Variants in SPOPL observed in about 807,000 individuals in gnomAD.
The protein encoded by SPOPL is speckle type BTB/POZ protein like, also known as speckle-type POZ protein-like.
A neutral mutation model predicts 53.8 loss-of-function variants in SPOPL; 23 were observed. The ratio of observed to expected loss-of-function variants is 0.43; its 90% CI spans 0.31 to 0.61. The LOEUF (loss-of-function observed/expected upper bound fraction) is 0.61. Among genes scored for constraint, SPOPL ranks in the 20% least tolerant of loss-of-function variants. The pLI, the probability that SPOPL is intolerant of heterozygous loss-of-function variation, is 0.12. For missense variants in SPOPL, 442 were observed against 466.9 expected (o/e 0.95, Z 0.49); for synonymous variants, 164 against 149.7 (o/e 1.10, Z -0.70).
chr2:138,556,479 A>C (rs1685426326), intron 5 of SPOPL, among the ~76,000 whole-genome samples: 1 of 152,216 alleles, frequency 6.6e-6, no homozygotes, highest in Non-Finnish European at 1.5e-5. Flanking sequence ...TTCTGTCTAG[A>C]AATTTCAAGA....
intron 8 of SPOPL, among the ~76,000 whole-genome samples, chr2:138,563,876 A>T (rs779147931): frequency 1.3e-5 from 2 of 152,258 alleles, no homozygotes; most frequent in Non-Finnish European, 2.9e-5. Flanking sequence ...AATATTCATC[A>T]GCAGTTGAAT....
intron 1 of SPOPL, among the ~76,000 whole-genome samples, chr2:138,526,957 C>T (rs528811407): frequency 6.6e-6 from 1 of 152,252 alleles, no homozygotes; most frequent in South Asian, 2.1e-4. Flanking sequence ...AACACCTGAC[C>T]TCAAGTGATC....
chr2:138,563,192 T>A (rs67582138), intron 8 of SPOPL, among the ~76,000 whole-genome samples: 22,449 of 152,144 alleles, frequency 0.15, 1,868 homozygotes, highest in African/African-American at 0.22. Flanking sequence ...TAAAAAGATA[T>A]TCTAGTCAAG....
At position 138,559,307 on chromosome 2, in the gene SPOPL, G is replaced by A. The variant is rs1685494369; in HGVS notation, c.684G>A (p.Met228Ile). 1 of 1,612,646 alleles carries A rather than the reference G, an allele frequency of 6.2e-7. No individual in the cohort carries two copies. The highest frequency in any genetic ancestry group is 1.1e-5 in the South Asian group (1 of 90,632). ...LAARSPVFNA[M>I]FEHEMEESKK... ...CTCGATCTCCAGTTTTTAACGCCAT[G>A]TTTGAACATGAAATGGAAGAAAGCA... Residue 228 changes from methionine to isoleucine, a missense_variant, in exon 7 of 11, where the codon ATG becomes ATA. Physicochemically the swap from Met to Ile is conservative, Grantham distance 10. Coordinates refer to ENST00000280098, the MANE Select transcript of SPOPL (RefSeq NM_001001664.3).
At chr2:138,518,143 T>C (rs1212601216) in intron 1 of SPOPL, among the ~76,000 whole-genome samples, 1 of 151,326 alleles carries the variant, frequency 6.6e-6, no homozygotes, top group Non-Finnish European at 1.5e-5. Context: ...TATTATGATT[T>C]TGTTAAAAAA....
At chr2:138,552,744 C>T (rs1242527931) in intron 5 of SPOPL, 63 bp downstream of exon 5, 2 of 1,522,112 alleles carry the variant, frequency 1.3e-6, no homozygotes, top group Non-Finnish European at 1.8e-6. Context: ...AAAGTATAAA[C>T]TGGATTAATA....
At position 138,570,244 on chromosome 2, in the gene SPOPL, GA is replaced by G. The variant is rs1230131537; in HGVS notation, c.*1166del. The G allele has an allele frequency of 3.3e-5, 5 of 152,062 alleles. No individual in the cohort carries two copies. In the East Asian group the frequency reaches 9.6e-4, roughly 29 times the overall value. 9.4% of individuals were successfully genotyped at this position (152,062 alleles called of 1,614,324 possible). ...TTTGGGAGATGCATACAAAAGGAGAGAACCCTTAGACTATGTCAGGTCACAC... is the reference window on the plus strand; with the variant it reads ...TTTGGGAGATGCATACAAAAGGAGAGACCCTTAGACTATGTCAGGTCACAC... On this transcript the variant is annotated 3_prime_UTR_variant, in exon 11 of 11. Coordinates refer to ENST00000280098, the MANE Select transcript of SPOPL (RefSeq NM_001001664.3).
intron 5 of SPOPL, among the ~76,000 whole-genome samples, chr2:138,555,542 G>A (rs560855951): frequency 3.9e-5 from 6 of 152,112 alleles, no homozygotes; most frequent in Admixed American, 2.6e-4. Context: ...TGTGAAATTC[G>A]ACTGTTAAAA....
intron 5 of SPOPL, among the ~76,000 whole-genome samples, chr2:138,555,377 A>G (rs1410682054): frequency 2.0e-5 from 3 of 152,114 alleles, no homozygotes; most frequent in Non-Finnish European, 2.9e-5. Flanking sequence ...ATTATATATG[A>G]TAGTGGGAGG....
At chr2:138,527,341 C>G (rs1187633967) in intron 1 of SPOPL, among the ~76,000 whole-genome samples, 2 of 152,136 alleles carry the variant, frequency 1.3e-5, no homozygotes, top group Non-Finnish European at 2.9e-5. Context: ...GATCACCTGT[C>G]AGATCAATAC....
intron 1 of SPOPL, among the ~76,000 whole-genome samples, chr2:138,503,923 T>G (rs557694643): frequency 1.3e-5 from 2 of 152,238 alleles, no homozygotes; most frequent in Non-Finnish European, 2.9e-5. Flanking sequence ...TAATGTGTTA[T>G]GTTCATTCAT....
chr2:138,525,662 A>AAAAAAAAAC (rs1553468789), intron 1 of SPOPL, among the ~76,000 whole-genome samples: 38 of 104,654 alleles, frequency 3.6e-4, no homozygotes, highest in East Asian at 2.8e-3. Flanking sequence ...AGTAGAAAAA[A>AAAAAAAAAC]AAAAAAAAAA....
intron 1 of SPOPL, among the ~76,000 whole-genome samples, chr2:138,503,699 A>G (rs1371661818): frequency 6.6e-6 from 1 of 152,178 alleles, no homozygotes; most frequent in Non-Finnish European, 1.5e-5. Flanking sequence ...CTACAATTTT[A>G]CCTTTGTTTT....
rs534445616 is a variant in SPOPL, at chr2:138,552,438, T to C, written c.353-116T>C. On this transcript the variant is annotated intron_variant, in intron 4 of 10. Transcript: ENST00000280098. ...TTATAAACACAAATATCGGTAACTTTTATGATGGATGTATTGACAAGTCCT... is the reference window on the plus strand; with the variant it reads ...TTATAAACACAAATATCGGTAACTTCTATGATGGATGTATTGACAAGTCCT... 3.1e-4 allele frequency: 383 copies of C among 1,254,474 alleles called. 1 individual carries two copies. The African/African-American group carries it at 5.3e-3, about 17-fold the overall frequency. The allele number at this position is 1,254,474 out of a possible 1,614,324, so 77.7% of individuals were successfully genotyped here. A position where few individuals can be genotyped will look rare whatever the true frequency, so the allele number is the denominator to read the frequency against.
chr2:138,569,120 C>T lies in SPOPL; in HGVS notation c.*40C>T. The T allele has an allele frequency of 1.2e-6, 2 of 1,601,364 alleles. No homozygotes were observed. Among genetic ancestry groups the T allele is most frequent in the Non-Finnish European group, 1.7e-6 (2 of 1,172,974 alleles). On this transcript the variant is annotated 3_prime_UTR_variant, in exon 11 of 11. Coordinates refer to ENST00000280098, the MANE Select transcript of SPOPL (RefSeq NM_001001664.3). ...AGTTGAAAAATGGAATTGACTTTCA[C>T]TCCTCCAGGTCCAGAAGGATTCTAA...
chr2:138,550,647 A>T (rs1685294145), intron 3 of SPOPL, 43 bp downstream of exon 3: 1 of 1,577,026 alleles, frequency 6.3e-7, no homozygotes, highest in Non-Finnish European at 8.6e-7. Flanking sequence ...TTTGTTTTTG[A>T]TGTGATCATC....
chr2:138,505,967 C>T (rs1307777706), intron 1 of SPOPL, among the ~76,000 whole-genome samples: 2 of 152,116 alleles, frequency 1.3e-5, no homozygotes, highest in African/African-American at 4.8e-5. Context: ...CCAGTAAGAA[C>T]TGAACTTCAG....
intron 8 of SPOPL, among the ~76,000 whole-genome samples, chr2:138,561,253 G>T (rs556346976): frequency 1.3e-4 from 20 of 152,040 alleles, no homozygotes; most frequent in African/African-American, 4.6e-4. Context: ...TTGAGATATA[G>T]TGCATGACCT....
chr2:138,566,269 T>C (rs1685657836), intron 10 of SPOPL, among the ~76,000 whole-genome samples: 1 of 152,132 alleles, frequency 6.6e-6, no homozygotes, highest in South Asian at 2.1e-4. Context: ...AGAGAAAAAT[T>C]GTTTTGAGTT....
Sources: gnomAD v4.1 joint callset for allele counts (sites outside exome capture counted in the v4.1 genomes callset) on GRCh38, gnomAD v4.1.1 for gene constraint, MANE v1.5 for transcripts, NCBI Gene and HGNC (gene_info 2026-07-23, HGNC 2026-07-21) for gene names.